Variants in STARD3 observed in about 807,000 individuals in gnomAD.
The protein encoded by STARD3 is StAR related lipid transfer domain containing 3.
In STARD3, 39 loss-of-function variants were observed where a neutral mutation model predicts 62.0. That is an observed-to-expected ratio of 0.63 (90% CI 0.49 to 0.82). STARD3 has a LOEUF of 0.82. Among genes scored for constraint, STARD3 ranks in the 40% least tolerant of loss-of-function variants. The probability of loss-of-function intolerance (pLI) is 0.00; values close to 1 mark genes in which losing one functional copy is unlikely to be tolerated. For synonymous variants in STARD3, 229 were observed against 242.4 expected, an observed-to-expected ratio of 0.94 and a Z score of 0.51; for missense variants, 543 against 584.5, an observed-to-expected ratio of 0.93 and a Z score of 0.73.
At chr17:39,650,481 G>A (rs1597792626) in intron 1 of STARD3, among the ~76,000 whole-genome samples, 1 of 152,118 alleles carries the variant, frequency 6.6e-6, no homozygotes, top group Admixed American at 6.6e-5. Flanking sequence ...GCAGACATGG[G>A]AGAGGGAGAG....
rs2057220572 is a variant in STARD3 at position 39,663,163 on chromosome 17, C to T, written c.*255C>T. ...CATGGCGCCCTGCCTCCTGGAGGAC[C>T]AGATTGCTCTGCCCCACCTTGCCAG... On this transcript the variant is annotated 3_prime_UTR_variant, in exon 15 of 15. Transcript: ENST00000336308. The T allele has an allele frequency of 4.4e-6, 2 of 455,706 alleles. No individual in the cohort carries two copies. Among genetic ancestry groups the T allele is most frequent in the Admixed American group, 8.5e-5 (2 of 23,508 alleles). The allele number at this position is 455,706 out of a possible 1,614,324, so 28.2% of individuals were successfully genotyped here.
intron 1 of STARD3, among the ~76,000 whole-genome samples, chr17:39,643,716 A>G (rs1597788132): frequency 6.6e-6 from 1 of 151,924 alleles, no homozygotes; most frequent in Non-Finnish European, 1.5e-5. Context: ...ACTCAAAACA[A>G]CCCCAGCCCT....
At chr17:39,644,660 A>C (rs1222560486) in intron 1 of STARD3, among the ~76,000 whole-genome samples, 6 of 120,630 alleles carry the variant, frequency 5.0e-5, no homozygotes, top group African/African-American at 9.7e-5. Context: ...ACATAGTGAG[A>C]CCCTGTCTCT....
rs11658786 is a variant in STARD3 at position 39,659,646 on chromosome 17, G to A, written c.795+93G>A. 859,746 of 1,344,036 alleles carry A rather than the reference G, an allele frequency of 0.64. 283,762 individuals are homozygous for A. The highest frequency in any genetic ancestry group is 0.74 in the South Asian group (58,462 of 78,972). The allele number at this position is 1,344,036 out of a possible 1,614,324, so 83.3% of individuals were successfully genotyped here. A position where few individuals can be genotyped will look rare whatever the true frequency, so the allele number is the denominator to read the frequency against. On this transcript the variant is annotated intron_variant, in intron 9 of 14. Transcript: ENST00000336308. ...TGAGGAAGAAACCCAAAGATTACAT[G>A]GGTTGGAGCCATATTCCTGCCCCAA...
chr17:39,658,806 C>A lies in STARD3; in HGVS notation c.632C>A (p.Pro211Gln). The change falls in exon 7 of 15, where the codon CCA becomes CAA. Residue 211 changes from proline to glutamine, a missense_variant. Transcript: ENST00000336308. ...ALSEGQFYSP[P>Q]ESFAGSDNES... The stretch of plus-strand genomic sequence containing the variant: ...TCCGAGGGACAGTTCTATTCACCCC[C>A]AGAATCCTTTGCAGGTGAGGGCTGG... 9 of 1,614,010 alleles carry A rather than the reference C, an allele frequency of 5.6e-6. No homozygotes were observed. The highest frequency in any genetic ancestry group is 7.6e-6 in the Non-Finnish European group (9 of 1,179,990).
Position 39,658,398 on chromosome 17 carries a change from TTCACA to T in STARD3, c.430-6_430-2del. On this transcript the variant is annotated splice_acceptor_variant and splice_polypyrimidine_tract_variant and intron_variant, in intron 5 of 14. Transcript: ENST00000336308. LOFTEE classifies it high-confidence loss of function. ...CTGCCATGGAGCTCAGCCCCCTCCC[TTCACA>T]GCTGCTCAGCAAAGGGGCATTTGGC... The T allele has an allele frequency of 6.2e-7, 1 of 1,613,452 alleles. No homozygotes were observed. Among genetic ancestry groups the T allele is most frequent in the Non-Finnish European group, 8.5e-7 (1 of 1,179,502 alleles).
At chr17:39,656,679 C>T (rs1001042272) in intron 2 of STARD3, among the ~76,000 whole-genome samples, 6 of 152,090 alleles carry the variant, frequency 3.9e-5, no homozygotes, top group African/African-American at 9.7e-5. Context: ...GGGCTTTCGG[C>T]GCCCTTCTGC....
Position 39,653,643 on chromosome 17 carries a change from C to A in STARD3, c.112C>A (p.Pro38Thr). 6.2e-7 allele frequency: 1 copy of A among 1,614,062 alleles called. No individual in the cohort carries two copies. The highest frequency in any genetic ancestry group is 8.5e-7 in the Non-Finnish European group (1 of 1,180,034). ...CCAGAGCCTCTCCTCGCACCTCCTT[C>A]CGCCGCCTGAGAAGCGAAGGGCCAT... ...HSQSLSSHLL[P>T]PPEKRRAISD... The change falls in exon 2 of 15, where the codon CCG (proline) becomes ACG (threonine). Residue 38 changes from proline (P) to threonine (T), a missense_variant. Transcript: ENST00000336308.
At chr17:39,656,485 A>T (rs1456296722) in intron 2 of STARD3, among the ~76,000 whole-genome samples, 1 of 152,002 alleles carries the variant, frequency 6.6e-6, no homozygotes, top group Non-Finnish European at 1.5e-5. Context: ...CTCCGTCTCC[A>T]CTTCACCCTC....
At position 39,663,050 on chromosome 17, in the gene STARD3, TTGAC is replaced by T. The variant is rs780936181; in HGVS notation, c.*150_*153del. 3 of 820,764 alleles carry T rather than the reference TTGAC, an allele frequency of 3.7e-6. No individual in the cohort carries two copies. Among genetic ancestry groups the T allele is most frequent in the Non-Finnish European group, 5.5e-6 (3 of 549,940 alleles). 50.8% of individuals were successfully genotyped at this position (820,764 alleles called of 1,614,324 possible). A position where few individuals can be genotyped will look rare whatever the true frequency, so the allele number is the denominator to read the frequency against. On this transcript the variant is annotated 3_prime_UTR_variant, in exon 15 of 15. Coordinates refer to ENST00000336308, the MANE Select transcript of STARD3 (RefSeq NM_006804.4). ...CCACCGAGCCACGCAGTGCCTGGAG[TTGAC>T]TGACTGAGCAGGCTGTGGGGTGGAG...
chr17:39,650,301 G>A (rs1277515006), intron 1 of STARD3, among the ~76,000 whole-genome samples: 1 of 152,206 alleles, frequency 6.6e-6, no homozygotes, highest in Non-Finnish European at 1.5e-5. Context: ...GTCGGCGTTT[G>A]TGGCTACAAG....
At chr17:39,637,412 C>G (rs1328692459) in intron 1 of STARD3, 181 bp downstream of exon 1, 8 of 152,342 alleles carry the variant, frequency 5.3e-5, no homozygotes, top group African/African-American at 1.9e-4. Context: ...GGGTTGGGGT[C>G]TCCAGCAATG....
chr17:39,657,685 A>C (rs2145013948), intron 3 of STARD3, 90 bp from the exon 4 acceptor site: 4 of 1,379,796 alleles, frequency 2.9e-6, no homozygotes, highest in Non-Finnish European at 3.1e-6. Context: ...TAGGAAGGGA[A>C]CGTGGGGGCA....
Position 39,660,711 on chromosome 17 carries a change from C to T in STARD3, c.955-99C>T. 3 of 1,443,584 alleles carry T rather than the reference C, an allele frequency of 2.1e-6. No homozygotes were observed. The Admixed American group carries it at 5.8e-5, about 28-fold the overall frequency. The allele number at this position is 1,443,584 out of a possible 1,614,324, so 89.4% of individuals were successfully genotyped here. A position where few individuals can be genotyped will look rare whatever the true frequency, so the allele number is the denominator to read the frequency against. On this transcript the variant is annotated intron_variant, in intron 11 of 14. Transcript: ENST00000336308. This position sits in a 1 kb window ranked among gnomAD's most constrained non-coding sequence, Gnocchi z 4.8. ...CTCATCAGGCGCTGCCCAGGGCCTG[C>T]CTGTGGCAATAGCAGTTAGTAAAGG...
chr17:39,656,777 C>T (rs1011477081), intron 2 of STARD3: 1 of 536,948 alleles, frequency 1.9e-6, no homozygotes, highest in African/African-American at 1.9e-5. Flanking sequence ...GGAAGCTAGC[C>T]CTGCCCATCG....
intron 1 of STARD3, among the ~76,000 whole-genome samples, chr17:39,647,158 C>T (rs2057034090): frequency 1.3e-5 from 2 of 151,922 alleles, no homozygotes; most frequent in African/African-American, 4.8e-5. Context: ...GAGATCGTGC[C>T]ACTGCACTCC....
At chr17:39,653,212 AG>A in intron 1 of STARD3, 1 of 432,404 alleles carries the variant, frequency 2.3e-6, no homozygotes, top group South Asian at 2.6e-5. Context: ...GCCCATGCAG[AG>A]GGACCCCAGA....
In STARD3 at chr17:39,663,417, TC is replaced by T; in HGVS notation, c.*512del. On this transcript the variant is annotated 3_prime_UTR_variant, in exon 15 of 15. Transcript: ENST00000336308. The stretch of plus-strand genomic sequence containing the variant: ...TGCCTCTCCCAGGCTGTCCCCCTCC[TC>T]CCAGGGCCTCCTGGGGGACCTTTGT... 4.4e-6 allele frequency: 1 copy of T among 228,108 alleles called. No individual in the cohort carries two copies. The highest frequency in any genetic ancestry group is 8.4e-6 in the Non-Finnish European group (1 of 118,356). 14.1% of individuals were successfully genotyped at this position (228,108 alleles called of 1,614,324 possible). A position where few individuals can be genotyped will look rare whatever the true frequency, so the allele number is the denominator to read the frequency against.
intron 1 of STARD3, among the ~76,000 whole-genome samples, chr17:39,645,632 G>C (rs2057019164): frequency 6.6e-6 from 1 of 152,030 alleles, no homozygotes; most frequent in African/African-American, 2.4e-5. Flanking sequence ...ACCATGCCTG[G>C]CTAATTTTTT....
Sources: gnomAD v4.1 joint callset for allele counts (sites outside exome capture counted in the v4.1 genomes callset) on GRCh38, gnomAD v4.1.1 for gene constraint, Gnocchi (gnomAD v3.1) non-coding constraint, MANE v1.5 for transcripts, NCBI Gene and HGNC (gene_info 2026-07-23, HGNC 2026-07-21) for gene names.